The following MAP3K12 variants were observed in gnomAD, a reference collection of about 807,000 sequenced individuals.
MAP3K12 encodes mitogen-activated protein kinase kinase kinase 12.
In MAP3K12, 14 loss-of-function variants were observed where a neutral mutation model predicts 87.5. The observed-to-expected ratio is 0.16, with a 90% CI of 0.11 to 0.25. The LOEUF is 0.25. MAP3K12 is among the 10% of genes least tolerant of loss of function. The pLI, the probability that MAP3K12 is intolerant of heterozygous loss-of-function variation, is 1.00. For missense variants in MAP3K12, 802 were observed against 1,140.4 expected, an observed-to-expected ratio of 0.70 and a Z score of 4.27; for synonymous variants, 469 against 452.5, an observed-to-expected ratio of 1.04 and a Z score of -0.46.
rs373085345 is a variant in MAP3K12, at chr12:53,482,589, G to A, written c.2214C>T (p.Tyr738=). Residue 738 remains tyrosine, a synonymous_variant, in exon 11 of 14, where the codon TAC becomes TAT. Transcript: ENST00000547488. ...SQHLTPAALL[Y]RAAVTRSQKR... ...CCTGACTTCGGGTGACGGCAGCCCTGTACAGCAGTGCAGCTGGGGTCAAGT... is the reference window on the plus strand; with the variant it reads ...CCTGACTTCGGGTGACGGCAGCCCTATACAGCAGTGCAGCTGGGGTCAAGT... The A allele has an allele frequency of 1.7e-5, 28 of 1,613,080 alleles. No individual in the cohort carries two copies. Among genetic ancestry groups the A allele is most frequent in the Non-Finnish European group, 2.1e-5 (25 of 1,179,672 alleles).
chr12:53,501,185 C>T, upstream of MAP3K12: 1 of 580,280 alleles, frequency 1.7e-6, no homozygotes, highest in South Asian at 2.1e-5. Flanking sequence ...GCGGTGCAGC[C>T]TGCCCGGGCG....
Position 53,482,454 on chromosome 12 carries a change from A to G in MAP3K12, c.2239-85T>C, listed in dbSNP as rs551993709. On this transcript the variant is annotated intron_variant, in intron 11 of 13. Transcript: ENST00000547488. Reference sequence around the variant, plus strand: ...CCAGGAGAAGGGAACATAGTTACGAAGGGTGAAGTAGGGAATGGCTTAAAA... The same window carrying G: ...CCAGGAGAAGGGAACATAGTTACGAGGGGTGAAGTAGGGAATGGCTTAAAA... The G allele has an allele frequency of 1.9e-6, 3 of 1,606,040 alleles. No homozygotes were observed. In the African/African-American group the frequency reaches 4.0e-5, roughly 21 times the overall value.
Position 53,486,923 on chromosome 12 carries a change from G to C in MAP3K12, c.445+24C>G. ...CTCGGGCTCAGGGAAACAGAGAGGA[G>C]GCTCCCACAAGGACGTGGCCTACCT... On this transcript the variant is annotated intron_variant, in intron 2 of 13. Coordinates refer to ENST00000547488, the MANE Select transcript of MAP3K12 (RefSeq NM_001193511.2). The surrounding 1 kb of genome is among the most constrained non-coding windows in gnomAD (Gnocchi z 4.9). 1.9e-6 allele frequency: 3 copies of C among 1,608,824 alleles called. No homozygotes were observed. Among genetic ancestry groups the C allele is most frequent in the Non-Finnish European group, 2.6e-6 (3 of 1,175,910 alleles).
In MAP3K12 at chr12:53,482,706, A is replaced by T. The variant is rs904249861; in HGVS notation, c.2097T>A (p.Pro699=). 1.2e-6 allele frequency: 2 copies of T among 1,613,922 alleles called. No homozygotes were observed. Among genetic ancestry groups the T allele is most frequent in the Non-Finnish European group, 1.7e-6 (2 of 1,179,998 alleles). ...DSPGGAKGEP[P]PPVGPGEGVG... Reference sequence around the variant, plus strand: ...CACCTTCACCAGGCCCTACTGGAGGAGGTGGTTCCCCTTTGGCTCCCCCAG... The same window carrying T: ...CACCTTCACCAGGCCCTACTGGAGGTGGTGGTTCCCCTTTGGCTCCCCCAG... The change falls in exon 11 of 14, where the codon CCT becomes CCA. Residue 699 remains proline, a synonymous_variant. Coordinates refer to ENST00000547488, the MANE Select transcript of MAP3K12 (RefSeq NM_001193511.2).
At chr12:53,483,837 G>GGGCTGGGTAGGAGCT in intron 8 of MAP3K12, 74 bp downstream of exon 8, 1 of 1,608,684 alleles carries the variant, frequency 6.2e-7, no homozygotes, top group Admixed American at 1.7e-5. Flanking sequence ...ACCCGCCCTG[G>GGGCTGGGTAGGAGCT]GGCTGGGTAG....
At chr12:53,485,259 C>G in intron 5 of MAP3K12, 45 bp from the exon 6 acceptor site, 1 of 1,600,598 alleles carries the variant, frequency 6.2e-7, no homozygotes, top group Non-Finnish European at 8.5e-7. Flanking sequence ...CTAGAAGTTG[C>G]CCACAATCCC....
intron 13 of MAP3K12, chr12:53,481,637 C>T (rs961129390): frequency 2.8e-6 from 1 of 363,164 alleles, no homozygotes; most frequent in Admixed American, 4.2e-5. Flanking sequence ...CGTGAGTCAC[C>T]ATGCCCAGCC....
At position 53,483,201 on chromosome 12, in the gene MAP3K12, G is replaced by C; in HGVS notation, c.1614-12C>G. The C allele has an allele frequency of 2.0e-6, 3 of 1,525,736 alleles. No individual in the cohort carries two copies. The highest frequency in any genetic ancestry group is 2.6e-6 in the Non-Finnish European group (3 of 1,138,978). The allele number at this position is 1,525,736 out of a possible 1,614,324, so 94.5% of individuals were successfully genotyped here. ...TGAGGATATCTGGCCTGGAAGAAGA[G>C]GAAAAGTAAAAGGTTAAGACTGCCA... On this transcript the variant is annotated splice_polypyrimidine_tract_variant and intron_variant, in intron 10 of 13. Transcript: ENST00000547488.
chr12:53,499,926 C>T (rs568583546), upstream of MAP3K12: 1 of 152,522 alleles, frequency 6.6e-6, no homozygotes, highest in East Asian at 1.9e-4. Context: ...AGAGCAGCCC[C>T]TCAGTTGGGA....
intron 4 of MAP3K12, 38 bp from the exon 5 acceptor site, chr12:53,485,513 CCA>C (rs755615168): frequency 2.5e-6 from 4 of 1,594,634 alleles, no homozygotes; most frequent in South Asian, 2.3e-5. Flanking sequence ...CCACACCCCT[CCA>C]CACACCTCAT....
At chr12:53,495,339 CAA>C (rs10647631) in intron 1 of MAP3K12, among the ~76,000 whole-genome samples, 4 of 19,350 alleles carry the variant, frequency 2.1e-4, no homozygotes, top group African/African-American at 3.2e-4. Flanking sequence ...ACTCTGTCTC[CAA>C]AAAAAAAAAA....
At chr12:53,483,764 A>C in intron 8 of MAP3K12, 41 bp from the exon 9 acceptor site, 1 of 1,613,036 alleles carries the variant, frequency 6.2e-7, no homozygotes, top group Non-Finnish European at 8.5e-7. Context: ...AACTGGGTTC[A>C]CCTAGGGCCA....
chr12:53,482,626 G>T lies in MAP3K12; in HGVS notation c.2177C>A (p.Ala726Asp), dbSNP rs1305998405. The T allele has an allele frequency of 9.3e-6, 15 of 1,613,912 alleles. No individual in the cohort carries two copies. Among genetic ancestry groups the T allele is most frequent in the Non-Finnish European group, 1.3e-5 (15 of 1,180,016 alleles). Residue 726 changes from alanine (A) to aspartate (D), a missense_variant, in exon 11 of 14, where the codon GCT becomes GAT. By Grantham distance (126) the Ala-to-Asp change is moderately radical (BLOSUM62 -2). Around this residue, in one of 5 missense-constraint regions of MAP3K12, gnomAD observed 490 missense variants for 496.6 expected, o/e 0.99. Coordinates refer to ENST00000547488, the MANE Select transcript of MAP3K12 (RefSeq NM_001193511.2). ...EGTSGRGGSRAGSQHLTPAAL... is the reference protein window; with the variant it reads ...EGTSGRGGSRDGSQHLTPAAL... ...AGCTGGGGTCAAGTGCTGGGACCCA[G>T]CCCGGCTTCCTCCCCGGCCTGAGGT... is the stretch of plus-strand genomic sequence containing the variant.
rs1555209672 is a variant in MAP3K12, at chr12:53,479,672, T to TTTTTTTTTTTTTGG, written c.*1509_*1510insCCAAAAAAAAAAAA. On this transcript the variant is annotated 3_prime_UTR_variant, in exon 14 of 14. Transcript: ENST00000547488. ...TTTAGTTTTATAAGCTTCTCCCTGGTTTTTTTTTTTTGGCTCATGAATTTT... is the reference window on the plus strand; with the variant it reads ...TTTAGTTTTATAAGCTTCTCCCTGGTTTTTTTTTTTTTGGTTTTTTTTTTTGGCTCATGAATTTT... The TTTTTTTTTTTTTGG allele has an allele frequency of 5.9e-5, 17 of 286,808 alleles. No individual in the cohort carries two copies. Among genetic ancestry groups the TTTTTTTTTTTTTGG allele is most frequent in the African/African-American group, 2.3e-4 (10 of 43,530 alleles). 17.8% of individuals were successfully genotyped at this position (286,808 alleles called of 1,614,324 possible).
In MAP3K12 at chr12:53,481,985, G is replaced by A. The variant is rs201332553; in HGVS notation, c.2536C>T (p.Pro846Ser). The A allele has an allele frequency of 8.1e-6, 13 of 1,614,204 alleles. No individual in the cohort carries two copies. The highest frequency in any genetic ancestry group is 1.7e-6 in the Non-Finnish European group (2 of 1,180,028). Residue 846 changes from proline (P) to serine (S), a missense_variant, in exon 13 of 14, where the codon CCC (proline) becomes TCC (serine). Pro to Ser is a moderately conservative substitution (Grantham distance 74). Coordinates refer to ENST00000547488, the MANE Select transcript of MAP3K12 (RefSeq NM_001193511.2). ...PPSEVIPGPE[P>S]SSLPIPHQEL... is the part of the protein sequence containing the mutation. Reference sequence around the variant, plus strand: ...TGGTGTGGAATGGGCAGGGAGCTGGGTTCAGGGCCAGGGATGACCTCTGAA... The same window carrying A: ...TGGTGTGGAATGGGCAGGGAGCTGGATTCAGGGCCAGGGATGACCTCTGAA...
At position 53,482,312 on chromosome 12, in the gene MAP3K12, T is replaced by G; in HGVS notation, c.2296A>C (p.Thr766Pro). The G allele has an allele frequency of 1.9e-6, 3 of 1,614,196 alleles. No homozygotes were observed. The highest frequency in any genetic ancestry group is 2.5e-6 in the Non-Finnish European group (3 of 1,180,042). The change falls in exon 12 of 14, where the codon ACA becomes CCA. Residue 766 changes from threonine (T) to proline (P), a missense_variant. Physicochemically the swap from Thr to Pro is conservative, Grantham distance 38 (BLOSUM62 -1). Transcript: ENST00000547488. ...GCCATCACTTACCTCTGGCTTGATG[T>G]CAGCTCTACTTCACTGTCTACCTCT... ...EGEVDSEVEL[T>P]SSQRWPQSLN...
intron 1 of MAP3K12, among the ~76,000 whole-genome samples, chr12:53,491,569 G>A (rs929172659): frequency 1.3e-4 from 19 of 150,098 alleles, no homozygotes; most frequent in African/African-American, 4.4e-4. Context: ...GAGTAGCTGG[G>A]ACTACAGGCG....
intron 1 of MAP3K12, chr12:53,493,109 G>C (rs1179406840): frequency 2.0e-5 from 3 of 152,524 alleles, no homozygotes; most frequent in African/African-American, 7.2e-5. Flanking sequence ...GACACGGCCG[G>C]CTGGGGGAAG....
intron 1 of MAP3K12, among the ~76,000 whole-genome samples, chr12:53,497,431 C>T (rs1216585927): frequency 1.3e-5 from 2 of 152,168 alleles, no homozygotes; most frequent in African/African-American, 4.8e-5. Context: ...AGGGCAAGGG[C>T]TCTATCCTGA....
Sources: gnomAD v4.1 joint callset for allele counts (sites outside exome capture counted in the v4.1 genomes callset) on GRCh38, gnomAD v4.1.1 for gene constraint, gnomAD v4.1.1 regional missense constraint, Gnocchi (gnomAD v3.1) non-coding constraint, MANE v1.5 for transcripts, NCBI Gene and HGNC (gene_info 2026-07-23, HGNC 2026-07-21) for gene names.